The following CACNA2D1 variants were observed in gnomAD, a reference collection of about 807,000 sequenced individuals.
CACNA2D1 encodes the protein calcium voltage-gated channel auxiliary subunit alpha2delta 1.
A neutral mutation model predicts 171.5 loss-of-function variants in CACNA2D1; 53 were observed. That is an observed-to-expected ratio of 0.31 (90% CI 0.25 to 0.39). The LOEUF is 0.39. Ranked by LOEUF, CACNA2D1 falls within the 10% of genes least tolerant of loss-of-function variation. The probability of loss-of-function intolerance (pLI) is 1.00; values close to 1 mark genes in which losing one functional copy is unlikely to be tolerated. For missense variants in CACNA2D1, 903 were observed against 1,299.8 expected (o/e 0.69, Z 4.69); for synonymous variants, 442 against 443.1 (o/e 1.00, Z 0.03).
chr7:82,082,420 T>C (rs1172697212), intron 7 of CACNA2D1, among the ~76,000 whole-genome samples: 1 of 152,136 alleles, frequency 6.6e-6, no homozygotes, highest in Non-Finnish European at 1.5e-5. Flanking sequence ...CTCAGTGTGG[T>C]TGAGTCTGGG....
intron 3 of CACNA2D1, among the ~76,000 whole-genome samples, chr7:82,224,172 T>C (rs923255785): frequency 1.3e-5 from 2 of 152,184 alleles, no homozygotes; most frequent in African/African-American, 4.8e-5. Flanking sequence ...TTCAAAAATA[T>C]TTGCTGAATA....
At chr7:82,055,930 G>GTATATATATATATATATA (rs58786082) in intron 10 of CACNA2D1, among the ~76,000 whole-genome samples, 28 of 111,458 alleles carry the variant, frequency 2.5e-4, no homozygotes, top group African/African-American at 5.3e-4. Context: ...GTGTGTGTGT[G>GTATATATATATATATATA]TATATATATA....
At chr7:82,271,786 A>T (rs899856037) in intron 3 of CACNA2D1, among the ~76,000 whole-genome samples, 55 of 152,258 alleles carry the variant, frequency 3.6e-4, no homozygotes, top group African/African-American at 1.3e-3. Context: ...GAAAACTCTA[A>T]TAATCATTTT....
chr7:82,044,044 T>A (rs1804258016), intron 10 of CACNA2D1, among the ~76,000 whole-genome samples: 1 of 152,196 alleles, frequency 6.6e-6, no homozygotes, highest in Admixed American at 6.5e-5. Flanking sequence ...CCTGTCTTTT[T>A]AAAATTATTT....
chr7:81,962,287 G>A (rs1425943973), intron 35 of CACNA2D1, among the ~76,000 whole-genome samples, 153 bp downstream of exon 35: 1 of 151,936 alleles, frequency 6.6e-6, no homozygotes, highest in African/African-American at 2.4e-5. Context: ...CATTAGGAAA[G>A]GTTGGACAAA....
Position 81,964,344 on chromosome 7 carries a change from C to T in CACNA2D1, c.2590G>A (p.Gly864Arg). Residue 864 changes from glycine (G) to arginine (R), a missense_variant, in exon 33 of 39, where the codon GGA becomes AGA. By Grantham distance (125) the Gly-to-Arg change is moderately radical. This residue lies in a region of CACNA2D1 where 623 missense variants were observed against 925.5 expected (regional missense o/e 0.67). Transcript: ENST00000356860. ...CTCATCAAGCTGGGATCAATCTCTC[C>T]AAAAAATCTTCCAATCTGGTGAAGA... ...DYTNQIGRFF[G>R]EIDPSLMRHL... 6.2e-7 allele frequency: 1 copy of T among 1,611,182 alleles called. No homozygotes were observed. Among genetic ancestry groups the T allele is most frequent in the Non-Finnish European group, 8.5e-7 (1 of 1,178,522 alleles).
intron 3 of CACNA2D1, among the ~76,000 whole-genome samples, chr7:82,206,680 G>T (rs1297895788): frequency 6.6e-6 from 1 of 151,874 alleles, no homozygotes; most frequent in Non-Finnish European, 1.5e-5. Context: ...CAATGCTTTT[G>T]GTAGTAAAAT....
intron 1 of CACNA2D1, among the ~76,000 whole-genome samples, chr7:82,422,564 C>G (rs1185995606): frequency 3.3e-5 from 5 of 152,044 alleles, no homozygotes; most frequent in Non-Finnish European, 5.9e-5. Flanking sequence ...TACTGGAAAG[C>G]AGAATAAGGA....
At chr7:82,356,700 G>A (rs957080104) in intron 1 of CACNA2D1, among the ~76,000 whole-genome samples, 1 of 151,242 alleles carries the variant, frequency 6.6e-6, no homozygotes, top group South Asian at 2.1e-4. Flanking sequence ...GTTTGAATGC[G>A]TATCTCTCCG....
chr7:82,352,125 C>T (rs1819914474), intron 1 of CACNA2D1, among the ~76,000 whole-genome samples: 1 of 152,138 alleles, frequency 6.6e-6, no homozygotes, highest in Non-Finnish European at 1.5e-5. Flanking sequence ...AATTCAGAAC[C>T]CATCCAGTCT....
intron 2 of CACNA2D1, 117 bp from the exon 3 acceptor site, chr7:82,335,368 T>C (rs1165800447): frequency 1.4e-6 from 1 of 703,552 alleles, no homozygotes; most frequent in East Asian, 2.5e-5. Context: ...CCCTGTTCTT[T>C]ATCTTGATCT....
chr7:82,358,275 TTAGATA>T (rs1371002195), intron 1 of CACNA2D1, among the ~76,000 whole-genome samples: 1 of 152,160 alleles, frequency 6.6e-6, no homozygotes, highest in African/African-American at 2.4e-5. Flanking sequence ...AGCCAAAGAT[TTAGATA>T]ACCTAGACAT....
At chr7:82,371,517 G>A (rs2129448303) in intron 1 of CACNA2D1, among the ~76,000 whole-genome samples, 1 of 152,312 alleles carries the variant, frequency 6.6e-6, no homozygotes, top group South Asian at 2.1e-4. Flanking sequence ...AATGCTAAGA[G>A]TTCGAGCTTA....
rs62462520 is a variant in CACNA2D1 at position 82,044,406 on chromosome 7, G to A, written c.880-6171C>T. Among the ~76,000 whole-genome samples, 539 of 152,042 alleles carry A rather than the reference G, an allele frequency of 3.5e-3. 1 individual carries two copies. Among genetic ancestry groups the A allele is most frequent in the Non-Finnish European group, 6.3e-3 (426 of 67,976 alleles). ...TTAATGTTTTATTTTCTCTATTTCT[G>A]GCATGTAAAATAAATAATGGTGCAA... is the stretch of plus-strand genomic sequence containing the variant. On this transcript the variant is annotated intron_variant, in intron 10 of 38. Transcript: ENST00000356860.
chr7:82,126,456 C>A (rs1348637505), intron 5 of CACNA2D1, among the ~76,000 whole-genome samples: 1 of 152,126 alleles, frequency 6.6e-6, no homozygotes, highest in Admixed American at 6.6e-5. Flanking sequence ...AATAATCTTA[C>A]ATTGAAACAT....
At chr7:82,098,478 G>C (rs540832422) in intron 6 of CACNA2D1, among the ~76,000 whole-genome samples, 1 of 152,096 alleles carries the variant, frequency 6.6e-6, no homozygotes, top group African/African-American at 2.4e-5. Context: ...ATGTACCCAG[G>C]GATAGAACGC....
chr7:82,371,975 T>C (rs1481055211), intron 1 of CACNA2D1, among the ~76,000 whole-genome samples: 1 of 152,198 alleles, frequency 6.6e-6, no homozygotes, highest in Non-Finnish European at 1.5e-5. Flanking sequence ...AAAAAAACTT[T>C]TCACTTTAAT....
chr7:82,042,007 A>T (rs1804016110), intron 10 of CACNA2D1, among the ~76,000 whole-genome samples: 1 of 152,180 alleles, frequency 6.6e-6, no homozygotes, highest in African/African-American at 2.4e-5. Context: ...GCATCTCATT[A>T]AGTGACTTTA....
chr7:82,396,167 T>G (rs185448623), intron 1 of CACNA2D1, among the ~76,000 whole-genome samples: 1 of 152,108 alleles, frequency 6.6e-6, no homozygotes, highest in Admixed American at 6.5e-5. Flanking sequence ...TCAGCTTTCA[T>G]AGAGGCCTTT....
Sources: gnomAD v4.1 joint callset for allele counts (sites outside exome capture counted in the v4.1 genomes callset) on GRCh38, gnomAD v4.1.1 for gene constraint, gnomAD v4.1.1 regional missense constraint, MANE v1.5 for transcripts, NCBI Gene and HGNC (gene_info 2026-07-23, HGNC 2026-07-21) for gene names.